Variants in LDHB observed in about 807,000 individuals in gnomAD.
The protein encoded by LDHB is L-lactate dehydrogenase B chain.
In LDHB, 18 loss-of-function variants were observed where a neutral mutation model predicts 33.4. That is an observed-to-expected ratio of 0.54 (90% CI 0.37 to 0.80). The LOEUF (loss-of-function observed/expected upper bound fraction) is 0.80. LDHB is among the 30% of genes least tolerant of loss of function. LDHB has a pLI of 0.00. For synonymous variants in LDHB, 121 were observed against 140.6 expected (o/e 0.86, Z 0.98); for missense variants, 345 against 407.9 (o/e 0.85, Z 1.33).
In LDHB at chr12:21,656,625, G is replaced by A. The variant is rs796667942; in HGVS notation, c.-7+1126C>T. ...AGACCTTTTAATTTAGAAAACTTCA[G>A]GAAGTACAATTTAAAGGCTCGAACC... On this transcript the variant is annotated intron_variant, in intron 1 of 7. Coordinates refer to ENST00000350669, the MANE Select transcript of LDHB (RefSeq NM_002300.8). Among the ~76,000 whole-genome samples the A allele has an allele frequency of 2.0e-5, 3 of 152,160 alleles. 1 individual carries two copies. Among genetic ancestry groups the A allele is most frequent in the East Asian group, 3.8e-4 (2 of 5,200 alleles).
chr12:21,636,308 T>C (rs1044677362), intron 7 of LDHB, among the ~76,000 whole-genome samples: 1 of 149,708 alleles, frequency 6.7e-6, no homozygotes, highest in Non-Finnish European at 1.5e-5. Flanking sequence ...TTAGAGACCA[T>C]TAAAAGGCAA....
chr12:21,655,339 T>G (rs1292424565), intron 1 of LDHB, among the ~76,000 whole-genome samples: 1 of 152,222 alleles, frequency 6.6e-6, no homozygotes, highest in East Asian at 1.9e-4. Context: ...TATATGTAAC[T>G]ATGTAAACTA....
rs1938199839 is a variant in LDHB, at chr12:21,635,800, G to A, written c.838-91C>T. ...AGGCTGAGGTGGGAGGACTGTTTGA[G>A]CCCAGGAGTTTGAAGCTTCAGTGAG... On this transcript the variant is annotated intron_variant, in intron 7 of 7. Transcript: ENST00000350669. 15 of 1,194,544 alleles carry A rather than the reference G, an allele frequency of 1.3e-5. No homozygotes were observed. In the Admixed American group the frequency reaches 1.5e-4, roughly 12 times the overall value. The allele number at this position is 1,194,544 out of a possible 1,614,324, so 74.0% of individuals were successfully genotyped here. A position where few individuals can be genotyped will look rare whatever the true frequency, so the allele number is the denominator to read the frequency against.
At position 21,648,111 on chromosome 12, in the gene LDHB, G is replaced by C. The variant is rs1323655136; in HGVS notation, c.130-1095C>G. Among the ~76,000 whole-genome samples the C allele has an allele frequency of 3.3e-5, 5 of 152,280 alleles. No individual in the cohort carries two copies. In the East Asian group the frequency reaches 9.6e-4, roughly 29 times the overall value. On this transcript the variant is annotated intron_variant, in intron 2 of 7. Coordinates refer to ENST00000350669, the MANE Select transcript of LDHB (RefSeq NM_002300.8). Reference sequence around the variant, plus strand: ...TATGAAATTCCATTATCTTATGGAAGTCATAATTTATAAACTGTTTATAAA... The same window carrying C: ...TATGAAATTCCATTATCTTATGGAACTCATAATTTATAAACTGTTTATAAA...
At chr12:21,649,166 G>A (rs1938610486) in intron 2 of LDHB, among the ~76,000 whole-genome samples, 1 of 152,170 alleles carries the variant, frequency 6.6e-6, no homozygotes, top group Admixed American at 6.5e-5. Context: ...AACATCACAT[G>A]TGTGCTGCTG....
chr12:21,642,456 C>T (rs1341865367), intron 4 of LDHB, among the ~76,000 whole-genome samples: 2 of 151,948 alleles, frequency 1.3e-5, no homozygotes, highest in African/African-American at 4.8e-5. Context: ...CAGGTTGAAC[C>T]AGGTTGTCAG....
At position 21,643,922 on chromosome 12, in the gene LDHB, T is replaced by C. The variant is rs76163762; in HGVS notation, c.421+13A>G. ...AACTTAACAGAACAGAGACTTAAAGTATACAATAATACCTGGGTTGGAAAC... is the reference window on the plus strand; with the variant it reads ...AACTTAACAGAACAGAGACTTAAAGCATACAATAATACCTGGGTTGGAAAC... On this transcript the variant is annotated intron_variant, in intron 4 of 7. Transcript: ENST00000350669. 1.2e-3 allele frequency: 1,942 copies of C among 1,575,246 alleles called. 18 individuals carry two copies. In the African/African-American group the frequency reaches 0.022, roughly 18 times the overall value.
At chr12:21,652,838 T>G (rs1473592920) in intron 2 of LDHB, among the ~76,000 whole-genome samples, 1 of 148,800 alleles carries the variant, frequency 6.7e-6, no homozygotes, top group African/African-American at 2.6e-5. Flanking sequence ...TGCAAAAGGA[T>G]AAAATGTTCA....
At position 21,647,041 on chromosome 12, in the gene LDHB, G is replaced by A. The variant is rs774772566; in HGVS notation, c.130-25C>T. The A allele has an allele frequency of 3.4e-6, 5 of 1,453,984 alleles. No individual in the cohort carries two copies. In the South Asian group the frequency reaches 5.7e-5, roughly 17 times the overall value. 90.1% of individuals were successfully genotyped at this position (1,453,984 alleles called of 1,614,324 possible). A position where few individuals can be genotyped will look rare whatever the true frequency, so the allele number is the denominator to read the frequency against. ...ACTGTAAACGCAAAAACAGGCATTA[G>A]AACCCTAAGCCACTCTAGGATGCGT... On this transcript the variant is annotated intron_variant, in intron 2 of 7. Coordinates refer to ENST00000350669, the MANE Select transcript of LDHB (RefSeq NM_002300.8).
At chr12:21,655,058 T>A (rs1591837141) in intron 1 of LDHB, among the ~76,000 whole-genome samples, 1 of 151,838 alleles carries the variant, frequency 6.6e-6, no homozygotes, top group African/African-American at 2.4e-5. Context: ...GAAGTGGAGG[T>A]TGCAGTGAGC....
At chr12:21,637,424 T>G in intron 6 of LDHB, 2 of 410,104 alleles carry the variant, frequency 4.9e-6, no homozygotes, top group Non-Finnish European at 8.7e-6. Flanking sequence ...AACTTTAGTT[T>G]ATTGTATAAG....
intron 2 of LDHB, among the ~76,000 whole-genome samples, chr12:21,650,284 C>G (rs1289976283): frequency 1.3e-5 from 2 of 152,114 alleles, no homozygotes; most frequent in East Asian, 3.9e-4. Context: ...TGAAATGCTA[C>G]TTCTACATTA....
At chr12:21,654,372 T>C in intron 2 of LDHB, 171 bp downstream of exon 2, 1 of 635,970 alleles carries the variant, frequency 1.6e-6, no homozygotes, top group South Asian at 1.9e-5. Context: ...ATAATTCTTT[T>C]AGGAGATACA....
intron 5 of LDHB, 109 bp downstream of exon 5, chr12:21,641,843 C>T: frequency 1.1e-6 from 1 of 931,996 alleles, no homozygotes; most frequent in Non-Finnish European, 1.6e-6. Flanking sequence ...ATTTTTGCAA[C>T]TGTTCTTAAG....
At chr12:21,639,290 T>C (rs551000600) in intron 5 of LDHB, among the ~76,000 whole-genome samples, 2 of 151,868 alleles carry the variant, frequency 1.3e-5, no homozygotes, top group African/African-American at 4.8e-5. Flanking sequence ...TAGATCAACA[T>C]GAAAAATTTT....
chr12:21,643,629 G>C (rs1938432072), intron 4 of LDHB: 1 of 330,338 alleles, frequency 3.0e-6, no homozygotes, highest in Non-Finnish European at 5.6e-6. Flanking sequence ...ATGTTCGAAT[G>C]CTTCATTCTC....
rs11547922 is a variant in LDHB at position 21,643,988 on chromosome 12, G to A, written c.368C>T (p.Pro123Leu). The A allele has an allele frequency of 1.2e-6, 2 of 1,613,204 alleles. No homozygotes were observed. The highest frequency in any genetic ancestry group is 2.7e-5 in the African/African-American group (2 of 74,986). The change falls in exon 4 of 8, where the codon CCT becomes CTT. Residue 123 changes from proline to leucine, a missense_variant. By Grantham distance (98) the Pro-to-Leu change is moderately conservative. Transcript: ENST00000350669. ...ATCAGGACTGTACTTGACGATCTGA[G>A]GAATAATGAATTTGAAGACATTAAC... ...RNVNVFKFII[P>L]QIVKYSPDCI...
intron 2 of LDHB, among the ~76,000 whole-genome samples, chr12:21,653,042 A>C (rs148841215): frequency 6.6e-6 from 1 of 152,290 alleles, no homozygotes; most frequent in African/African-American, 2.4e-5. Context: ...TGTTGTTTCT[A>C]CATTTAAGGC....
intron 1 of LDHB, among the ~76,000 whole-genome samples, chr12:21,655,124 A>C (rs1938805447): frequency 6.6e-6 from 1 of 152,024 alleles, no homozygotes; most frequent in African/African-American, 2.4e-5. Context: ...TCTCAAAAGG[A>C]AAAAAAGAAA....
Sources: gnomAD v4.1 joint callset for allele counts (sites outside exome capture counted in the v4.1 genomes callset) on GRCh38, gnomAD v4.1.1 for gene constraint, MANE v1.5 for transcripts, NCBI Gene and HGNC (gene_info 2026-07-23, HGNC 2026-07-21) for gene names.